The following AGAP6 variants were observed in gnomAD, a reference collection of about 807,000 sequenced individuals.
AGAP6 encodes the protein arf-GAP with GTPase, ANK repeat and PH domain-containing protein 6.
In AGAP6, 29 loss-of-function variants were observed where a neutral mutation model predicts 63.9. The ratio of observed to expected loss-of-function variants is 0.45; its 90% CI spans 0.34 to 0.62. The LOEUF (loss-of-function observed/expected upper bound fraction) is 0.62, where lower values mean the gene tolerates loss of function less well. Among genes scored for constraint, AGAP6 ranks in the 20% least tolerant of loss-of-function variants. The pLI, the probability that AGAP6 is intolerant of heterozygous loss-of-function variation, is 0.01. For missense variants in AGAP6, 493 were observed against 884.9 expected (o/e 0.56, Z 5.62); for synonymous variants, 199 against 332.9 (o/e 0.60, Z 4.38).
rs781826206 is a variant in AGAP6 at position 50,009,675 on chromosome 10, G to A, written c.1550G>A (p.Arg517Gln). The change falls in exon 8 of 8, where the codon CGA becomes CAA. Residue 517 changes from arginine (R) to glutamine (Q), a missense_variant. Around this residue, in one of 7 missense-constraint regions of AGAP6, gnomAD observed 87 missense variants for 92.9 expected, o/e 0.94. Transcript: ENST00000412531. The stretch of plus-strand genomic sequence containing the variant: ...CTTGGCCCCCACCTTTCCCGTGTGC[G>A]ATCTCTGGAGCTGGATGACTGGCCA... ...RSLGPHLSRV[R>Q]SLELDDWPVE... 1.2e-5 allele frequency: 20 copies of A among 1,614,230 alleles called. No individual in the cohort carries two copies. The highest frequency in any genetic ancestry group is 4.5e-5 in the East Asian group (2 of 44,886).
At chr10:49,995,133 C>T (rs1841438124) in intron 4 of AGAP6, among the ~76,000 whole-genome samples, 1 of 152,126 alleles carries the variant, frequency 6.6e-6, no homozygotes, top group African/African-American at 2.4e-5. Context: ...CCCTGTGTTT[C>T]TTCCAATTGT....
rs1589107752 is a variant in AGAP6, at chr10:50,008,654, G to A, written c.586-57G>A. On this transcript the variant is annotated intron_variant, in intron 7 of 7. Transcript: ENST00000412531. ...AAAAGGTAATTGTGAGCTGTCTATA[G>A]GACCCTGCAAGCCACTACCCAATTT... The A allele has an allele frequency of 1.9e-6, 3 of 1,613,358 alleles. No homozygotes were observed. In the East Asian group the frequency reaches 6.7e-5, roughly 36 times the overall value.
At chr10:49,994,948 C>T (rs1280116296) in intron 4 of AGAP6, among the ~76,000 whole-genome samples, 10 of 125,598 alleles carry the variant, frequency 8.0e-5, no homozygotes, top group Admixed American at 4.9e-4. Context: ...GGCAACAGAG[C>T]GAAACTCTGT....
At position 50,010,113 on chromosome 10, in the gene AGAP6, A is replaced by G. The variant is rs201492638; in HGVS notation, c.1988A>G (p.Tyr663Cys). The change falls in exon 8 of 8, where the codon TAC becomes TGC. Residue 663 changes from tyrosine to cysteine, a missense_variant. Transcript: ENST00000412531. ...GCCCACGGGAACACAGCGCTGACCT[A>G]CGCCCGGCAGGCCTCCAGCCAGGAG... The part of the protein sequence containing the change: ...RDAHGNTALT[Y>C]ARQASSQECI... 7.3e-4 allele frequency: 1,169 copies of G among 1,608,414 alleles called. 1 individual carries two copies. The highest frequency in any genetic ancestry group is 9.0e-4 in the Middle Eastern group (4 of 4,420).
intron 7 of AGAP6, 75 bp downstream of exon 7, chr10:50,008,151 T>G (rs1841979124): frequency 6.2e-7 from 1 of 1,610,560 alleles, no homozygotes; most frequent in Non-Finnish European, 8.5e-7. Flanking sequence ...CAAAGCCATC[T>G]TTTTTTAAAT....
chr10:50,007,994 T>G (rs782335536), intron 6 of AGAP6, 31 bp from the exon 7 acceptor site: 1 of 1,611,824 alleles, frequency 6.2e-7, no homozygotes, highest in South Asian at 1.1e-5. Flanking sequence ...TATTAACAGT[T>G]TTTGAAGTAA....
chr10:49,989,254 A>G, intron 1 of AGAP6, 54 bp from the exon 2 acceptor site: 1 of 1,594,678 alleles, frequency 6.3e-7, no homozygotes, highest in Non-Finnish European at 8.5e-7. Context: ...AAATAAGTTG[A>G]TAAATTTTTA....
intron 6 of AGAP6, among the ~76,000 whole-genome samples, chr10:50,005,948 A>T (rs1156364216): frequency 6.8e-6 from 1 of 148,100 alleles, no homozygotes; most frequent in East Asian, 1.9e-4. Context: ...CAATAAGATG[A>T]CCTAACCTCA....
At chr10:49,990,754 T>C (rs1262550342) in intron 2 of AGAP6, among the ~76,000 whole-genome samples, 1 of 152,196 alleles carries the variant, frequency 6.6e-6, no homozygotes, top group Non-Finnish European at 1.5e-5. Flanking sequence ...TAAACTTTGG[T>C]CGGGCTCTTA....
intron 5 of AGAP6, 38 bp downstream of exon 5, chr10:50,002,134 A>C: frequency 6.3e-6 from 10 of 1,576,472 alleles, no homozygotes; most frequent in Non-Finnish European, 8.6e-6. Context: ...AGATTCCTTT[A>C]TTCTAAAATT....
rs1589095251 is a variant in AGAP6, at chr10:49,998,885, A to T, written c.397-3111A>T. ...TCCATTTGTTTGTGTCCATGACTTCATTCAGCAACGTTTTGTAGTTCCCAA... is the reference window on the plus strand; with the variant it reads ...TCCATTTGTTTGTGTCCATGACTTCTTTCAGCAACGTTTTGTAGTTCCCAA... On this transcript the variant is annotated intron_variant, in intron 4 of 7. Coordinates refer to ENST00000412531, the MANE Select transcript of AGAP6 (RefSeq NM_001077665.3). Among the ~76,000 whole-genome samples, 2 of 139,306 alleles carry T rather than the reference A, an allele frequency of 1.4e-5. 1 individual carries two copies. Among genetic ancestry groups the T allele is most frequent in the African/African-American group, 5.5e-5 (2 of 36,242 alleles). The allele number at this position is 139,306 out of a possible 152,430, so 91.4% of individuals were successfully genotyped here.
At chr10:49,995,137 C>T (rs1484637807) in intron 4 of AGAP6, among the ~76,000 whole-genome samples, 1 of 152,062 alleles carries the variant, frequency 6.6e-6, no homozygotes, top group African/African-American at 2.4e-5. Context: ...GTGTTTCTTC[C>T]AATTGTAGCA....
In AGAP6 at chr10:50,002,073, T is replaced by C; in HGVS notation, c.474T>C (p.His158=). The change falls in exon 5 of 8, where the codon CAT becomes CAC. Residue 158 remains histidine (H), a synonymous_variant. Transcript: ENST00000412531. ...TTGATGACAGCACAGCCATCCAGCA[T>C]TATCTTACAATGACAATAATATCGT... The part of the protein sequence containing the change: ...IFLDDSTAIQ[H]YLTMTIISVT... 5.6e-6 allele frequency: 9 copies of C among 1,610,444 alleles called. No individual in the cohort carries two copies. Among genetic ancestry groups the C allele is most frequent in the Non-Finnish European group, 6.8e-6 (8 of 1,179,674 alleles).
At chr10:49,990,797 T>A (rs1841242432) in intron 2 of AGAP6, among the ~76,000 whole-genome samples, 1 of 152,218 alleles carries the variant, frequency 6.6e-6, no homozygotes, top group Non-Finnish European at 1.5e-5. Context: ...TAAGACTCAT[T>A]ATGAGTGTGA....
At chr10:49,988,996 A>G (rs558246581) in intron 1 of AGAP6, 58 bp downstream of exon 1, 12 of 1,599,226 alleles carry the variant, frequency 7.5e-6, no homozygotes, top group Admixed American at 6.7e-5. Flanking sequence ...TGCTGTCCCC[A>G]TGGTTCCCTT....
chr10:49,998,096 G>A lies in AGAP6; in HGVS notation c.396+3667G>A, dbSNP rs1389638396. On this transcript the variant is annotated intron_variant, in intron 4 of 7. Coordinates refer to ENST00000412531, the MANE Select transcript of AGAP6 (RefSeq NM_001077665.3). Reference sequence around the variant, plus strand: ...TTCCATATTTTTGTAATTGTAATTTGTTTGAGTTCCTCATAGATTCTGGAT... The same window carrying A: ...TTCCATATTTTTGTAATTGTAATTTATTTGAGTTCCTCATAGATTCTGGAT... Among the ~76,000 whole-genome samples the A allele has an allele frequency of 1.4e-3, 175 of 122,104 alleles. 12 individuals are homozygous for A. Among genetic ancestry groups the A allele is most frequent in the African/African-American group, 5.4e-3 (164 of 30,614 alleles). The allele number at this position is 122,104 out of a possible 152,430, so 80.1% of individuals were successfully genotyped here. A position where few individuals can be genotyped will look rare whatever the true frequency, so the allele number is the denominator to read the frequency against.
At chr10:49,993,087 TAATGAG>T (rs1448798990) in intron 3 of AGAP6, among the ~76,000 whole-genome samples, 1 of 152,110 alleles carries the variant, frequency 6.6e-6, no homozygotes, top group African/African-American at 2.4e-5. Flanking sequence ...TAAATTACCA[TAATGAG>T]AATGTGCTTA....
At chr10:49,996,006 C>G (rs1841471653) in intron 4 of AGAP6, among the ~76,000 whole-genome samples, 1 of 152,070 alleles carries the variant, frequency 6.6e-6, no homozygotes, top group Non-Finnish European at 1.5e-5. Flanking sequence ...ATTGAGGCTA[C>G]TAAACCTGCA....
chr10:50,003,504 G>A (rs1306792574), intron 5 of AGAP6, among the ~76,000 whole-genome samples: 4,500 of 152,216 alleles, frequency 0.03, 101 homozygotes, highest in Non-Finnish European at 0.046. Flanking sequence ...TTTCTGTGAA[G>A]AAAAGCATCC....
Sources: gnomAD v4.1 joint callset for allele counts (sites outside exome capture counted in the v4.1 genomes callset) on GRCh38, gnomAD v4.1.1 for gene constraint, gnomAD v4.1.1 regional missense constraint, MANE v1.5 for transcripts, NCBI Gene and HGNC (gene_info 2026-07-23, HGNC 2026-07-21) for gene names.